Variants in PPIL2 observed in about 807,000 individuals in gnomAD.
The protein encoded by PPIL2 is peptidylprolyl isomerase like 2, also known as RING-type E3 ubiquitin-protein ligase PPIL2.
Under a neutral mutation model 75.2 loss-of-function variants are expected in PPIL2, and 50 were observed. That is an observed-to-expected ratio of 0.66 (90% CI 0.53 to 0.84). The LOEUF (loss-of-function observed/expected upper bound fraction) is 0.84, where lower values mean the gene tolerates loss of function less well. PPIL2 is among the 40% of genes least tolerant of loss of function. PPIL2 has a pLI of 0.00. For synonymous variants in PPIL2, 245 were observed against 258.8 expected (o/e 0.95, Z 0.51); for missense variants, 590 against 685.0 (o/e 0.86, Z 1.55).
At position 21,691,843 on chromosome 22, in the gene PPIL2, G is replaced by A. The variant is rs145029767; in HGVS notation, c.1140-1973G>A. ...GCAGGTCAGAGCTCAGGTCTGCACC[G>A]TTGCAGATGTCACATCTGCGGACAC... On this transcript the variant is annotated intron_variant, in intron 15 of 19. Transcript: ENST00000398831. Among the ~76,000 whole-genome samples, 134 of 152,328 alleles carry A rather than the reference G, an allele frequency of 8.8e-4. 1 individual carries two copies. The highest frequency in any genetic ancestry group is 3.0e-3 in the African/African-American group (125 of 41,570).
intron 2 of PPIL2, chr22:21,670,212 G>A (rs2066578450): frequency 9.2e-7 from 1 of 1,082,282 alleles, no homozygotes; most frequent in Non-Finnish European, 1.3e-6. Flanking sequence ...AAATAAATAA[G>A]TAAATGAAAT....
Position 21,696,939 on chromosome 22 carries a change from A to AATC in PPIL2, c.*1450_*1452dup. On this transcript the variant is annotated 3_prime_UTR_variant, in exon 20 of 20. Coordinates refer to ENST00000398831, the MANE Select transcript of PPIL2 (RefSeq NM_014337.4). ...GCCCCTCGTCACCCTGCTGCACACCAATCTGTGGCCCTTCATCATGCTAAG... is the reference window on the plus strand; with the variant it reads ...GCCCCTCGTCACCCTGCTGCACACCAATCATCTGTGGCCCTTCATCATGCTAAG... The AATC allele has an allele frequency of 1.3e-6, 2 of 1,583,432 alleles. No homozygotes were observed. Among genetic ancestry groups the AATC allele is most frequent in the South Asian group, 1.2e-5 (1 of 86,052 alleles).
chr22:21,675,171 G>C (rs2066787324), intron 6 of PPIL2, 56 bp downstream of exon 6: 2 of 1,449,452 alleles, frequency 1.4e-6, no homozygotes, highest in South Asian at 1.2e-5. Flanking sequence ...CAAGGGCCCA[G>C]CTCTCACCAG....
intron 1 of PPIL2, chr22:21,669,372 C>T (rs1034073087): frequency 4.4e-5 from 20 of 451,560 alleles, no homozygotes; most frequent in South Asian, 1.4e-4. Flanking sequence ...TGTTCTCCAA[C>T]GCCTGGACTC....
intron 6 of PPIL2, among the ~76,000 whole-genome samples, chr22:21,678,799 G>A (rs59492453): frequency 0.017 from 2,581 of 151,922 alleles, 27 homozygotes; most frequent in South Asian, 0.037. Context: ...TGATCAGAGC[G>A]CACTGTTGCT....
At chr22:21,669,031 T>C (rs1473682775) in intron 1 of PPIL2, among the ~76,000 whole-genome samples, 4 of 97,108 alleles carry the variant, frequency 4.1e-5, no homozygotes, top group Admixed American at 1.1e-4. Flanking sequence ...TTTTTTTTTT[T>C]AGTAGAGACT....
At chr22:21,699,531 G>T (rs775497349), downstream of PPIL2, 2 of 152,498 alleles carry the variant, frequency 1.3e-5, no homozygotes, top group Non-Finnish European at 2.9e-5. Context: ...GGCCTTAGGA[G>T]ATTGCACAGG....
chr22:21,690,029 G>A (rs1038760142), intron 15 of PPIL2, among the ~76,000 whole-genome samples: 1 of 152,162 alleles, frequency 6.6e-6, no homozygotes, highest in Non-Finnish European at 1.5e-5. Context: ...GCTGTGACAG[G>A]TGTGGCCCCT....
In PPIL2 at chr22:21,688,820, C is replaced by T. The variant is rs2067494677; in HGVS notation, c.1110C>T (p.Asn370=). Residue 370 remains asparagine, a synonymous_variant, in exon 15 of 20, where the codon AAC becomes AAT. Transcript: ENST00000398831. ...GCCGCGGCATCCTCAGCATGGCCAA[C>T]TCCGGGCCCAACAGCAACAGGTCTC... ...HTGRGILSMA[N]SGPNSNRSQF... The T allele has an allele frequency of 1.9e-6, 3 of 1,614,232 alleles. No homozygotes were observed. Among genetic ancestry groups the T allele is most frequent in the Non-Finnish European group, 2.5e-6 (3 of 1,180,030 alleles).
chr22:21,674,225 A>C (rs1316817126), intron 5 of PPIL2, among the ~76,000 whole-genome samples: 2 of 152,130 alleles, frequency 1.3e-5, no homozygotes, highest in Non-Finnish European at 2.9e-5. Context: ...CCTCCCTTCC[A>C]GGGTCTCCCC....
At chr22:21,677,503 T>C (rs971756583) in intron 6 of PPIL2, among the ~76,000 whole-genome samples, 30 of 152,308 alleles carry the variant, frequency 2.0e-4, no homozygotes, top group African/African-American at 6.0e-4. Flanking sequence ...GAGACCAGCC[T>C]GGCCAACACA....
At chr22:21,677,522 C>G (rs1364809983) in intron 6 of PPIL2, among the ~76,000 whole-genome samples, 2 of 152,226 alleles carry the variant, frequency 1.3e-5, no homozygotes, top group Non-Finnish European at 2.9e-5. Flanking sequence ...CAGCGAAACC[C>G]CGTCTCCACC....
At chr22:21,692,216 C>T (rs372664853) in intron 15 of PPIL2, among the ~76,000 whole-genome samples, 37 of 151,474 alleles carry the variant, frequency 2.4e-4, no homozygotes, top group South Asian at 1.3e-3. Context: ...AGTGCAGCGG[C>T]GCGATCTCGG....
intron 15 of PPIL2, among the ~76,000 whole-genome samples, chr22:21,691,185 C>G (rs910324247): frequency 2.6e-5 from 4 of 151,738 alleles, no homozygotes; most frequent in Non-Finnish European, 5.9e-5. Flanking sequence ...CTCAGGTGAT[C>G]CACCCACCTC....
chr22:21,672,933 C>T (rs543820236), intron 5 of PPIL2, among the ~76,000 whole-genome samples: 22 of 152,334 alleles, frequency 1.4e-4, no homozygotes, highest in African/African-American at 4.1e-4. Flanking sequence ...CCCTACCGGG[C>T]CAGCAGGAGA....
chr22:21,693,278 C>T (rs1054526541), intron 15 of PPIL2, among the ~76,000 whole-genome samples: 1 of 151,992 alleles, frequency 6.6e-6, no homozygotes, highest in Admixed American at 6.6e-5. Flanking sequence ...CAACTCCTGG[C>T]CTCAAGTGAT....
At chr22:21,694,843 A>G in intron 18 of PPIL2, 26 bp downstream of exon 18, 1 of 1,592,156 alleles carries the variant, frequency 6.3e-7, no homozygotes. Flanking sequence ...GCCACCACCT[A>G]GGAGGGTCTG....
At chr22:21,671,814 G>A (rs2148504368) in intron 4 of PPIL2, among the ~76,000 whole-genome samples, 1 of 152,238 alleles carries the variant, frequency 6.6e-6, no homozygotes, top group Non-Finnish European at 1.5e-5. Flanking sequence ...ACTTTGGGAG[G>A]CTGAGGCAGG....
rs189319269 is a variant in PPIL2, at chr22:21,687,180, C to T, written c.897+182C>T. Among the ~76,000 whole-genome samples, 11 of 152,310 alleles carry T rather than the reference C, an allele frequency of 7.2e-5. No individual in the cohort carries two copies. In the East Asian group the frequency reaches 1.7e-3, roughly 24 times the overall value. On this transcript the variant is annotated intron_variant, in intron 12 of 19. Coordinates refer to ENST00000398831, the MANE Select transcript of PPIL2 (RefSeq NM_014337.4). Reference sequence around the variant, plus strand: ...TAGGGGGCCGCGTTGGCAGCATGGCCTGCGCACAGGTGCCAGTGTCTCAGA... The same window carrying T: ...TAGGGGGCCGCGTTGGCAGCATGGCTTGCGCACAGGTGCCAGTGTCTCAGA...
Sources: gnomAD v4.1 joint callset for allele counts (sites outside exome capture counted in the v4.1 genomes callset) on GRCh38, gnomAD v4.1.1 for gene constraint, MANE v1.5 for transcripts, NCBI Gene and HGNC (gene_info 2026-07-23, HGNC 2026-07-21) for gene names.